ZNF155: variants seen among roughly 807,000 people sequenced by gnomAD.
ZNF155 encodes zinc finger protein 155.
In ZNF155, 15 loss-of-function variants were observed where a neutral mutation model predicts 11.9. That is an observed-to-expected ratio of 1.26 (90% CI 0.84 to 1.94). ZNF155 has a LOEUF of 1.94. Among genes scored for constraint, ZNF155 ranks in the 30% most tolerant of loss-of-function variants. The probability of loss-of-function intolerance (pLI) is 0.00; values close to 1 mark genes in which losing one functional copy is unlikely to be tolerated. For synonymous variants in ZNF155, 212 were observed against 219.9 expected (o/e 0.96, Z 0.32); for missense variants, 602 against 639.1 (o/e 0.94, Z 0.63).
chr19:43,993,403 A>G (rs1975730228), intron 4 of ZNF155, among the ~76,000 whole-genome samples: 1 of 152,094 alleles, frequency 6.6e-6, no homozygotes, highest in Non-Finnish European at 1.5e-5. Context: ...CTTTCTCCTT[A>G]AAGATTTCTT....
chr19:43,986,658 C>T (rs138375308), intron 1 of ZNF155, among the ~76,000 whole-genome samples: 1,937 of 152,082 alleles, frequency 0.013, 35 homozygotes, highest in African/African-American at 0.044. Flanking sequence ...ACTGTGTTAG[C>T]CAGGATGGTC....
intron 2 of ZNF155, chr19:43,988,920 A>G (rs1177606347): frequency 5.6e-6 from 1 of 178,810 alleles, no homozygotes; most frequent in Non-Finnish European, 1.2e-5. Context: ...TGCTCTTTTT[A>G]TATGTTATAT....
chr19:43,984,932 T>C (rs2147364943), intron 1 of ZNF155, among the ~76,000 whole-genome samples: 1 of 152,276 alleles, frequency 6.6e-6, no homozygotes, highest in South Asian at 2.1e-4. Context: ...GCTTTCTCCT[T>C]CCCCAGCCTG....
intron 2 of ZNF155, chr19:43,988,879 G>C: frequency 4.1e-6 from 1 of 242,434 alleles, no homozygotes; most frequent in Non-Finnish European, 7.9e-6. Flanking sequence ...AACTGTATTT[G>C]TATTGATGAT....
rs1345246881 is a variant in ZNF155 at position 43,996,626 on chromosome 19, G to C, written c.769G>C (p.Glu257Gln). 3 of 1,613,608 alleles carry C rather than the reference G, an allele frequency of 1.9e-6. No homozygotes were observed. The African/African-American group carries it at 4.0e-5, about 22-fold the overall frequency. Residue 257 changes from glutamate to glutamine, a missense_variant, in exon 5 of 5, where the codon GAG becomes CAG. Glu to Gln is a conservative substitution (Grantham distance 29). Coordinates refer to ENST00000270014, the MANE Select transcript of ZNF155 (RefSeq NM_198089.3). ...TGTTCATCGTAAATTACACACAGGA[G>C]AGAAACCTTACATTTGTGAGGCATG... ...LNVHRKLHTG[E>Q]KPYICEACGK...
chr19:43,990,033 ACTG>A, intron 2 of ZNF155: 1 of 1,489,650 alleles, frequency 6.7e-7, no homozygotes, highest in African/African-American at 1.4e-5. Flanking sequence ...GATTACCAAG[ACTG>A]TGGGAATACT....
At position 43,988,495 on chromosome 19, in the gene ZNF155, C is replaced by A. The variant is rs1418855329; in HGVS notation, c.-49C>A. 2 of 1,577,636 alleles carry A rather than the reference C, an allele frequency of 1.3e-6. No homozygotes were observed. Among genetic ancestry groups the A allele is most frequent in the South Asian group, 2.3e-5 (2 of 85,292 alleles). ...TTTCAGGCAGGATTCCTCCTTCATT[C>A]AAACTGCATCACCCAGGAGTCTGCA... On this transcript the variant is annotated 5_prime_UTR_variant, in exon 2 of 5. Coordinates refer to ENST00000270014, the MANE Select transcript of ZNF155 (RefSeq NM_198089.3).
At chr19:43,990,064 C>A in intron 2 of ZNF155, 1 of 1,517,872 alleles carries the variant, frequency 6.6e-7, no homozygotes, top group South Asian at 1.2e-5. Context: ...TGCTCTTGGT[C>A]ATGATAAAGA....
At chr19:43,993,929 T>G (rs1975747858) in intron 4 of ZNF155, among the ~76,000 whole-genome samples, 1 of 152,222 alleles carries the variant, frequency 6.6e-6, no homozygotes, top group Non-Finnish European at 1.5e-5. Flanking sequence ...CATATTTCAA[T>G]ATAACCCGGA....
intron 4 of ZNF155, among the ~76,000 whole-genome samples, chr19:43,992,260 G>A (rs1442277142): frequency 6.6e-6 from 1 of 152,062 alleles, no homozygotes; most frequent in African/African-American, 2.4e-5. Flanking sequence ...CTCTGACTAC[G>A]TGTGTCCTTT....
intron 2 of ZNF155, chr19:43,988,798 C>G (rs146195175): frequency 5.1e-6 from 2 of 392,344 alleles, no homozygotes; most frequent in Admixed American, 8.5e-5. Context: ...GAACAGTGCT[C>G]CCACTTCCTT....
chr19:43,997,767 C>G lies in ZNF155; in HGVS notation c.*293C>G, dbSNP rs1797404021. Reference sequence around the variant, plus strand: ...TAGCACAGGGGATTGTGCCTGGAGACATGCCCATGGCTGCACAGATAGAAG... The same window carrying G: ...TAGCACAGGGGATTGTGCCTGGAGAGATGCCCATGGCTGCACAGATAGAAG... On this transcript the variant is annotated 3_prime_UTR_variant, in exon 5 of 5. Coordinates refer to ENST00000270014, the MANE Select transcript of ZNF155 (RefSeq NM_198089.3). The G allele has an allele frequency of 3.2e-6, 1 of 307,834 alleles. No homozygotes were observed. The highest frequency in any genetic ancestry group is 4.7e-5 in the Admixed American group (1 of 21,150). The allele number at this position is 307,834 out of a possible 1,614,324, so 19.1% of individuals were successfully genotyped here.
chr19:43,996,182 A>G lies in ZNF155; in HGVS notation c.325A>G (p.Lys109Glu), dbSNP rs751414143. 1.2e-6 allele frequency: 2 copies of G among 1,614,176 alleles called. No homozygotes were observed. The highest frequency in any genetic ancestry group is 2.2e-5 in the South Asian group (2 of 91,076). Reference sequence around the variant, plus strand: ...CCAGCAAATCTGGGAACAAATTGCAAAAGACTTAACCAGGTCTCAGGACTC... The same window carrying G: ...CCAGCAAATCTGGGAACAAATTGCAGAAGACTTAACCAGGTCTCAGGACTC... ...SCQQIWEQIA[K>E]DLTRSQDSII... Residue 109 changes from lysine to glutamate, a missense_variant, in exon 5 of 5, where the codon AAA (lysine) becomes GAA (glutamate). Transcript: ENST00000270014.
intron 4 of ZNF155, among the ~76,000 whole-genome samples, chr19:43,993,420 T>G (rs550625739): frequency 6.6e-6 from 1 of 152,212 alleles, no homozygotes; most frequent in Non-Finnish European, 1.5e-5. Flanking sequence ...TCTTATTAAT[T>G]TAATTTATTT....
chr19:43,996,263 G>A lies in ZNF155; in HGVS notation c.406G>A (p.Ala136Thr). ...TGGTGATGTCCCCTCCCAGGTTGAA[G>A]CAGGACTACCCACAATTCATACAGG... ...ENGDVPSQVEAGLPTIHTGQK... is the reference protein window; with the variant it reads ...ENGDVPSQVETGLPTIHTGQK... Residue 136 changes from alanine to threonine, a missense_variant, in exon 5 of 5, where the codon GCA becomes ACA. By Grantham distance (58) the Ala-to-Thr change is moderately conservative (BLOSUM62 0). Coordinates refer to ENST00000270014, the MANE Select transcript of ZNF155 (RefSeq NM_198089.3). 2 of 1,614,158 alleles carry A rather than the reference G, an allele frequency of 1.2e-6. No homozygotes were observed. Among genetic ancestry groups the A allele is most frequent in the African/African-American group, 2.7e-5 (2 of 75,040 alleles).
chr19:43,990,140 G>A, intron 2 of ZNF155: 1 of 1,336,578 alleles, frequency 7.5e-7, no homozygotes, highest in Non-Finnish European at 1.0e-6. Flanking sequence ...AAGAAAGCAT[G>A]CAGTTATATG....
chr19:43,984,323 G>A (rs1235718165), intron 1 of ZNF155, 78 bp downstream of exon 1: 1 of 152,226 alleles, frequency 6.6e-6, no homozygotes, highest in Non-Finnish European at 1.5e-5. Context: ...AACTAAGGGG[G>A]TAAGAAGCCC....
chr19:43,994,799 G>A (rs75236712), intron 4 of ZNF155, among the ~76,000 whole-genome samples: 5,567 of 152,204 alleles, frequency 0.037, 211 homozygotes, highest in East Asian at 0.14. Flanking sequence ...TCTCCATTAT[G>A]GAGCCAGTAT....
intron 1 of ZNF155, among the ~76,000 whole-genome samples, chr19:43,987,828 C>T (rs392889): frequency 0.39 from 59,569 of 151,982 alleles, 13,003 homozygotes; most frequent in African/African-American, 0.57. Flanking sequence ...AATTATTTTT[C>T]CCAATTCTAT....
Sources: allele counts gnomAD v4.1 joint callset (sites outside exome capture counted in the v4.1 genomes callset), GRCh38; gene constraint gnomAD v4.1.1; transcripts MANE v1.5; gene names NCBI Gene and HGNC (gene_info 2026-07-23, HGNC 2026-07-21).